POLN: variants seen among roughly 807,000 people sequenced by gnomAD.
POLN encodes DNA polymerase N.
POLN carries 108 observed loss-of-function variants against 113.5 expected under a neutral mutation model. The ratio of observed to expected loss-of-function variants is 0.95; its 90% CI spans 0.81 to 1.12. The LOEUF is 1.12. Among genes scored for constraint, POLN ranks in the 50% most tolerant of loss-of-function variants. The pLI is 0.00. For synonymous variants in POLN, 386 were observed against 391.5 expected, an observed-to-expected ratio of 0.99 and a Z score of 0.17; for missense variants, 1,097 against 1,077.1, an observed-to-expected ratio of 1.02 and a Z score of -0.26.
chr4:2,240,682 A>C (rs1415213723), intron 2 of POLN: 1 of 1,613,920 alleles, frequency 6.2e-7, no homozygotes, highest in Non-Finnish European at 8.5e-7. Flanking sequence ...GGTGTCTTCA[A>C]ATCAGAAGTT....
At chr4:2,228,147 T>C (rs1283927624) in intron 3 of POLN, 1 of 154,398 alleles carries the variant, frequency 6.5e-6, no homozygotes, top group East Asian at 1.9e-4. Context: ...CTCAATTATA[T>C]CTCACTCACT....
intron 20 of POLN, among the ~76,000 whole-genome samples, chr4:2,088,567 T>C (rs1730599683): frequency 6.6e-6 from 1 of 152,162 alleles, no homozygotes; most frequent in Admixed American, 6.5e-5. Flanking sequence ...AAAAATTCAG[T>C]GCAAAAATAC....
Position 2,130,557 on chromosome 4 carries a change from T to C in POLN, c.1789+676A>G, listed in dbSNP as rs141101083. ...AGAAGAGTGTTCATGTGCTTTTTAA[T>C]GAGCTCTTAAACTCTTTTTAAGAGT... is the stretch of plus-strand genomic sequence containing the variant. On this transcript the variant is annotated intron_variant, in intron 17 of 25. Transcript: ENST00000511885. 9.9e-3 allele frequency among the ~76,000 whole-genome samples: 1,505 copies of C among 152,338 alleles called. 23 individuals carry two copies. The highest frequency in any genetic ancestry group is 0.012 in the Non-Finnish European group (823 of 68,024).
At chr4:2,084,589 A>G in intron 21 of POLN, among the ~76,000 whole-genome samples, 1 of 152,232 alleles carries the variant, frequency 6.6e-6, no homozygotes, top group East Asian at 1.9e-4. Context: ...CTGTGAGACC[A>G]ACAAGGAGCC....
chr4:2,165,659 G>A (rs1002103110), intron 13 of POLN, among the ~76,000 whole-genome samples: 4 of 152,268 alleles, frequency 2.6e-5, no homozygotes, highest in East Asian at 3.9e-4. Context: ...CCATTCTGTC[G>A]AGGATGTTGA....
At chr4:2,078,886 A>T in intron 23 of POLN, 9 of 985,480 alleles carry the variant, frequency 9.1e-6, no homozygotes, top group Non-Finnish European at 1.1e-5. Context: ...TCAGCTCCTC[A>T]CATGCCAACT....
chr4:2,143,490 C>T (rs1732056601), intron 16 of POLN, among the ~76,000 whole-genome samples: 1 of 152,044 alleles, frequency 6.6e-6, no homozygotes, highest in Admixed American at 6.6e-5. Context: ...CTGAAATTCA[C>T]CAAATATGAA....
At chr4:2,210,928 A>G (rs549169422) in intron 4 of POLN, among the ~76,000 whole-genome samples, 7 of 138,836 alleles carry the variant, frequency 5.0e-5, no homozygotes, top group Non-Finnish European at 9.3e-5. Context: ...AAACATAATA[A>G]ATAAATAAAT....
rs1180612113 is a variant in POLN, at chr4:2,240,348, A to G, written c.-13+1172T>C. 3.1e-6 allele frequency: 5 copies of G among 1,601,542 alleles called. No homozygotes were observed. Among genetic ancestry groups the G allele is most frequent in the Non-Finnish European group, 4.3e-6 (5 of 1,172,408 alleles). Reference sequence around the variant, plus strand: ...CTCTTCCTGACTTAGGTATTTTTCCAAGGAAAATTGCGATAAAAATACCAG... The same window carrying G: ...CTCTTCCTGACTTAGGTATTTTTCCGAGGAAAATTGCGATAAAAATACCAG... On this transcript the variant is annotated intron_variant, in intron 2 of 25. Coordinates refer to ENST00000511885, the MANE Select transcript of POLN (RefSeq NM_181808.4).
At chr4:2,103,779 G>A (rs1730984374) in intron 19 of POLN, among the ~76,000 whole-genome samples, 1 of 152,168 alleles carries the variant, frequency 6.6e-6, no homozygotes, top group Non-Finnish European at 1.5e-5. Flanking sequence ...AACCTTACAA[G>A]CCAGAAGAGA....
intron 13 of POLN, among the ~76,000 whole-genome samples, chr4:2,161,300 CGG>C (rs1167195065): frequency 6.6e-6 from 1 of 152,206 alleles, no homozygotes; most frequent in Non-Finnish European, 1.5e-5. Context: ...CGGGGCTGCG[CGG>C]GGCGCTTGCA....
intron 2 of POLN, chr4:2,240,969 T>C (rs199616861): frequency 6.5e-7 from 1 of 1,545,318 alleles, no homozygotes; most frequent in Non-Finnish European, 8.7e-7. Context: ...CCCAATTTTG[T>C]TGTATCTGAT....
chr4:2,129,383 T>C (rs943889369), intron 17 of POLN, 127 bp from the exon 18 acceptor site: 1 of 607,832 alleles, frequency 1.6e-6, no homozygotes, highest in African/African-American at 1.9e-5. Flanking sequence ...TTTCCGAATA[T>C]TTTTATTAAT....
chr4:2,142,984 A>T (rs1057014535), intron 16 of POLN, among the ~76,000 whole-genome samples: 5 of 152,082 alleles, frequency 3.3e-5, no homozygotes, highest in Admixed American at 2.6e-4. Context: ...CTGTTGCTAT[A>T]ATCTTAAATA....
intron 16 of POLN, among the ~76,000 whole-genome samples, chr4:2,140,443 G>A (rs1577717990): frequency 6.6e-6 from 1 of 152,088 alleles, no homozygotes; most frequent in South Asian, 2.1e-4. Flanking sequence ...CTGACTGTAG[G>A]AATAAAATAA....
At chr4:2,074,377 A>G (rs937328334) in intron 24 of POLN, among the ~76,000 whole-genome samples, 2 of 152,168 alleles carry the variant, frequency 1.3e-5, no homozygotes, top group Admixed American at 1.3e-4. Flanking sequence ...CTGAGAGAGC[A>G]GAGCACAGGC....
chr4:2,222,604 T>G (rs145508585), intron 3 of POLN, among the ~76,000 whole-genome samples: 1 of 152,170 alleles, frequency 6.6e-6, no homozygotes, highest in Non-Finnish European at 1.5e-5. Flanking sequence ...GACTAAGTCT[T>G]GGGTCTACGG....
chr4:2,123,174 C>G (rs961407833), intron 19 of POLN, among the ~76,000 whole-genome samples: 1 of 151,480 alleles, frequency 6.6e-6, no homozygotes, highest in Non-Finnish European at 1.5e-5. Context: ...TCTCAGAAAC[C>G]AAACCAAACC....
intron 6 of POLN, among the ~76,000 whole-genome samples, chr4:2,196,115 G>GA (rs1351088657): frequency 6.6e-6 from 1 of 152,100 alleles, no homozygotes; most frequent in Non-Finnish European, 1.5e-5. Flanking sequence ...ATAATTATCT[G>GA]AAAAAAATCG....
Sources: gnomAD v4.1 joint callset for allele counts (sites outside exome capture counted in the v4.1 genomes callset) on GRCh38, gnomAD v4.1.1 for gene constraint, MANE v1.5 for transcripts, NCBI Gene and HGNC (gene_info 2026-07-23, HGNC 2026-07-21) for gene names.